ZNF804B: variants seen among roughly 807,000 people sequenced by gnomAD.
ZNF804B encodes the protein zinc finger protein 804B, also known as zinc finger 804B.
ZNF804B carries 80 observed loss-of-function variants against 101.4 expected under a neutral mutation model. The observed-to-expected ratio is 0.79, with a 90% confidence interval of 0.66 to 0.95. The LOEUF is 0.95. Ranked by LOEUF, ZNF804B falls within the 40% of genes least tolerant of loss-of-function variation. The pLI, the probability that ZNF804B is intolerant of heterozygous loss-of-function variation, is 0.00. For missense variants in ZNF804B, 1,673 were observed against 1,561.9 expected (o/e 1.07, Z -1.20); for synonymous variants, 622 against 558.8 (o/e 1.11, Z -1.59).
intron 2 of ZNF804B, among the ~76,000 whole-genome samples, chr7:89,298,932 G>A (rs1475908572): frequency 1.3e-5 from 2 of 151,814 alleles, no homozygotes; most frequent in Non-Finnish European, 2.9e-5. Context: ...AAAATGGATT[G>A]TCTCAGGGTT....
In ZNF804B at chr7:89,175,284, C is replaced by G. The variant is rs111640782; in HGVS notation, c.109-42871C>G. Among the ~76,000 whole-genome samples, 986 of 149,246 alleles carry G rather than the reference C, an allele frequency of 6.6e-3. 12 individuals are homozygous for G. The highest frequency in any genetic ancestry group is 0.023 in the African/African-American group (934 of 41,076). ...TGAGCAATAGGGGCCTAGTTTTATT[C>G]TTCTGCATATGGATATCCAATTTTC... On this transcript the variant is annotated intron_variant, in intron 1 of 3. Coordinates refer to ENST00000333190, the MANE Select transcript of ZNF804B (RefSeq NM_181646.5).
intron 2 of ZNF804B, among the ~76,000 whole-genome samples, chr7:89,251,805 G>A (rs1789545195): frequency 6.6e-6 from 1 of 152,084 alleles, no homozygotes; most frequent in Non-Finnish European, 1.5e-5. Flanking sequence ...ACAAGCAATG[G>A]GGAAAGGACT....
intron 1 of ZNF804B, among the ~76,000 whole-genome samples, chr7:89,140,275 C>G (rs1377516215): frequency 6.6e-6 from 1 of 151,952 alleles, no homozygotes; most frequent in Admixed American, 6.6e-5. Flanking sequence ...GCAGATTTAC[C>G]ATAATTCTTA....
At chr7:89,043,192 G>A (rs1411780285) in intron 1 of ZNF804B, among the ~76,000 whole-genome samples, 1 of 152,076 alleles carries the variant, frequency 6.6e-6, no homozygotes, top group Admixed American at 6.6e-5. Flanking sequence ...GATTAATGCC[G>A]GTGTCCTTTG....
chr7:88,781,069 C>T (rs1217120225), intron 1 of ZNF804B, among the ~76,000 whole-genome samples: 4 of 152,078 alleles, frequency 2.6e-5, no homozygotes, highest in Non-Finnish European at 5.9e-5. Flanking sequence ...AACAAAACCC[C>T]ATAAAAGCGA....
At chr7:89,283,073 T>C (rs187077621) in intron 2 of ZNF804B, among the ~76,000 whole-genome samples, 6 of 152,292 alleles carry the variant, frequency 3.9e-5, no homozygotes, top group Admixed American at 1.3e-4. Flanking sequence ...TAAAATTAAT[T>C]GTCTCCATAA....
chr7:89,150,135 C>T (rs769144675), intron 1 of ZNF804B, among the ~76,000 whole-genome samples: 4 of 151,966 alleles, frequency 2.6e-5, no homozygotes, highest in Non-Finnish European at 5.9e-5. Context: ...CCCTTTCAGT[C>T]ATGAATCATT....
chr7:89,336,221 A>G lies in ZNF804B; in HGVS notation c.3239A>G (p.Asn1080Ser), dbSNP rs1177823144. The G allele has an allele frequency of 1.2e-6, 2 of 1,613,750 alleles. No individual in the cohort carries two copies. Among genetic ancestry groups the G allele is most frequent in the East Asian group, 4.5e-5 (2 of 44,852 alleles). Reference sequence around the variant, plus strand: ...GAATTCCCTGGTGCTTTTCCGTCTAATAAATATACTGGTGTGACTGATTCA... The same window carrying G: ...GAATTCCCTGGTGCTTTTCCGTCTAGTAAATATACTGGTGTGACTGATTCA... ...PNEFPGAFPS[N>S]KYTGVTDSTE... Residue 1080 changes from asparagine to serine, a missense_variant, in exon 4 of 4, where the codon AAT becomes AGT. By Grantham distance (46) the Asn-to-Ser change is conservative (BLOSUM62 1). Coordinates refer to ENST00000333190, the MANE Select transcript of ZNF804B (RefSeq NM_181646.5).
chr7:88,937,164 A>T (rs1281420926), intron 1 of ZNF804B, among the ~76,000 whole-genome samples: 3 of 151,224 alleles, frequency 2.0e-5, no homozygotes, highest in African/African-American at 7.3e-5. Flanking sequence ...ACTGAATTTG[A>T]CAGAAAGAAA....
chr7:89,310,828 G>A (rs1448962500), intron 2 of ZNF804B, among the ~76,000 whole-genome samples: 1 of 152,218 alleles, frequency 6.6e-6, no homozygotes, highest in Non-Finnish European at 1.5e-5. Context: ...AACTGAGCAG[G>A]GAGGTTGTGA....
chr7:88,910,035 T>C (rs2115972509), intron 1 of ZNF804B, among the ~76,000 whole-genome samples: 1 of 151,986 alleles, frequency 6.6e-6, no homozygotes, highest in East Asian at 1.9e-4. Flanking sequence ...AACATGTATA[T>C]ATTATCATGA....
chr7:88,832,416 T>C (rs1791146708), intron 1 of ZNF804B, among the ~76,000 whole-genome samples: 1 of 151,998 alleles, frequency 6.6e-6, no homozygotes, highest in African/African-American at 2.4e-5. Context: ...TTAAAATTGA[T>C]TTGAATCTGT....
intron 2 of ZNF804B, among the ~76,000 whole-genome samples, chr7:89,246,590 C>T (rs1289372182): frequency 6.6e-6 from 1 of 151,958 alleles, no homozygotes; most frequent in Non-Finnish European, 1.5e-5. Context: ...CCAGTGAGAT[C>T]TCCAGGCATT....
At chr7:89,237,770 G>A (rs1789307594) in intron 2 of ZNF804B, among the ~76,000 whole-genome samples, 1 of 152,100 alleles carries the variant, frequency 6.6e-6, no homozygotes, top group African/African-American at 2.4e-5. Flanking sequence ...CAAGGTGATT[G>A]CTGCCAGCAC....
At position 89,078,928 on chromosome 7, in the gene ZNF804B, T is replaced by C. The variant is rs572511381; in HGVS notation, c.109-139227T>C. Among the ~76,000 whole-genome samples the C allele has an allele frequency of 2.0e-5, 3 of 152,172 alleles. No individual in the cohort carries two copies. The East Asian group carries it at 5.8e-4, about 29-fold the overall frequency. On this transcript the variant is annotated intron_variant, in intron 1 of 3. Coordinates refer to ENST00000333190, the MANE Select transcript of ZNF804B (RefSeq NM_181646.5). ...CAGGTAGATTAAAGGAGATGGAGTATGGGGCCAATTGTTTATTACGGAAAT... is the reference window on the plus strand; with the variant it reads ...CAGGTAGATTAAAGGAGATGGAGTACGGGGCCAATTGTTTATTACGGAAAT...
intron 1 of ZNF804B, among the ~76,000 whole-genome samples, chr7:89,000,853 TAG>T (rs1488623374): frequency 1.3e-5 from 2 of 149,246 alleles, no homozygotes; most frequent in Non-Finnish European, 3.0e-5. Flanking sequence ...TTTATATATA[TAG>T]AGAGATATCA....
intron 1 of ZNF804B, among the ~76,000 whole-genome samples, chr7:89,079,255 A>ATAT (rs1327421956): frequency 6.6e-6 from 1 of 152,074 alleles, no homozygotes. Flanking sequence ...GAAGCATTAA[A>ATAT]TATTACATGG....
intron 2 of ZNF804B, among the ~76,000 whole-genome samples, chr7:89,274,668 G>C (rs1414694711): frequency 6.6e-6 from 1 of 151,634 alleles, no homozygotes; most frequent in Admixed American, 6.6e-5. Flanking sequence ...GCTTACTTTT[G>C]TACTTATCTC....
At chr7:89,162,428 C>G (rs1374761846) in intron 1 of ZNF804B, among the ~76,000 whole-genome samples, 3 of 151,998 alleles carry the variant, frequency 2.0e-5, no homozygotes, top group Non-Finnish European at 4.4e-5. Flanking sequence ...AAAATAGAAT[C>G]TAGAAAAATA....
Sources: gnomAD v4.1 joint callset for allele counts (sites outside exome capture counted in the v4.1 genomes callset) on GRCh38, gnomAD v4.1.1 for gene constraint, MANE v1.5 for transcripts, NCBI Gene and HGNC (gene_info 2026-07-23, HGNC 2026-07-21) for gene names.